The following LMO2 variants were observed in gnomAD, a reference collection of about 807,000 sequenced individuals.
The protein encoded by LMO2 is LIM domain only 2.
A neutral mutation model predicts 23.2 loss-of-function variants in LMO2; 20 were observed. The observed-to-expected ratio is 0.86, with a 90% confidence interval of 0.61 to 1.25. The LOEUF is 1.25. Among genes scored for constraint, LMO2 ranks in the 50% most tolerant of loss-of-function variants. LMO2 has a pLI of 0.00. For missense variants in LMO2, 270 were observed against 315.3 expected (o/e 0.86, Z 1.09); for synonymous variants, 123 against 130.2 (o/e 0.94, Z 0.38).
In LMO2 at chr11:33,864,081, G is replaced by A. The variant is rs369942248; in HGVS notation, c.464+521C>T. ...CAGGGCCTTTGCCTTTCTGCTCTTC[G>A]AAGACTGCCTTCCTGCTATGAGTCA... On this transcript the variant is annotated intron_variant, in intron 5 of 5. Transcript: ENST00000257818. This position sits in a 1 kb window ranked among gnomAD's most constrained non-coding sequence, Gnocchi z 4.8. Among the ~76,000 whole-genome samples the A allele has an allele frequency of 6.8e-4, 103 of 152,290 alleles. No individual in the cohort carries two copies. The highest frequency in any genetic ancestry group is 2.2e-3 in the African/African-American group (90 of 41,542).
chr11:33,887,540 A>ATTT (rs3072488), intron 1 of LMO2, among the ~76,000 whole-genome samples: 7 of 132,964 alleles, frequency 5.3e-5, no homozygotes, highest in African/African-American at 1.1e-4. Flanking sequence ...AGGAATGTGG[A>ATTT]TTTTTTTTTT....
intron 2 of LMO2, chr11:33,870,372 TC>T (rs1856980166): frequency 1.0e-6 from 1 of 985,430 alleles, no homozygotes; most frequent in African/African-American, 1.7e-5. Flanking sequence ...CAGTGGATTT[TC>T]CGCCCGTCCC....
chr11:33,877,067 G>A (rs559804030), intron 2 of LMO2, among the ~76,000 whole-genome samples: 1 of 152,208 alleles, frequency 6.6e-6, no homozygotes. Flanking sequence ...GTGGAGTTCT[G>A]CCCTACAAGG....
intron 1 of LMO2, among the ~76,000 whole-genome samples, chr11:33,885,522 G>A (rs774948091): frequency 3.7e-4 from 56 of 152,340 alleles, no homozygotes; most frequent in Non-Finnish European, 2.1e-4. Context: ...CCACTGGGAT[G>A]TGGCTTTATC....
chr11:33,877,344 G>A (rs746031360), intron 2 of LMO2, among the ~76,000 whole-genome samples: 2 of 152,148 alleles, frequency 1.3e-5, no homozygotes, highest in Non-Finnish European at 2.9e-5. Flanking sequence ...AGGACAGGTC[G>A]CTGCTGGGGC....
chr11:33,869,044 G>C (rs1856894519), intron 4 of LMO2, among the ~76,000 whole-genome samples: 1 of 152,206 alleles, frequency 6.6e-6, no homozygotes, highest in Non-Finnish European at 1.5e-5. Context: ...GGCTCTCCTC[G>C]TGCCTGCTCC....
At chr11:33,868,688 A>G (rs1211803797) in intron 4 of LMO2, among the ~76,000 whole-genome samples, 3 of 152,148 alleles carry the variant, frequency 2.0e-5, no homozygotes, top group African/African-American at 7.2e-5. Context: ...CCTATACACA[A>G]AATGGTGCAT....
chr11:33,882,428 C>T (rs1857307424), intron 1 of LMO2, among the ~76,000 whole-genome samples: 2 of 152,200 alleles, frequency 1.3e-5, no homozygotes, highest in African/African-American at 2.4e-5. Flanking sequence ...TAGGCCAAAG[C>T]CCTTTCAAAT....
intron 4 of LMO2, among the ~76,000 whole-genome samples, chr11:33,867,717 T>C (rs1365419322): frequency 6.6e-6 from 1 of 152,176 alleles, no homozygotes; most frequent in African/African-American, 2.4e-5. Flanking sequence ...GCAGTAGATA[T>C]CTGTTGTATT....
At chr11:33,891,533 G>C (rs573568981) in intron 1 of LMO2, among the ~76,000 whole-genome samples, 3 of 152,182 alleles carry the variant, frequency 2.0e-5, no homozygotes, top group African/African-American at 7.2e-5. Flanking sequence ...GAAGACATTA[G>C]CAACCAGCGG....
At chr11:33,872,288 C>T (rs1857043287) in intron 2 of LMO2, among the ~76,000 whole-genome samples, 1 of 152,164 alleles carries the variant, frequency 6.6e-6, no homozygotes, top group Admixed American at 6.5e-5. Flanking sequence ...GAGACTCCGT[C>T]TCAAAATAAA....
At chr11:33,871,595 GT>G (rs34492647) in intron 2 of LMO2, among the ~76,000 whole-genome samples, 46,370 of 131,580 alleles carry the variant, frequency 0.35, 8,550 homozygotes, top group East Asian at 0.59. Context: ...AAAAAGTTGG[GT>G]TTTTTTTTTT....
At position 33,891,388 on chromosome 11, in the gene LMO2, C is replaced by CACACAT. The variant is rs1438548550; in HGVS notation, c.-336+406_-336+407insATGTGT. Among the ~76,000 whole-genome samples the CACACAT allele has an allele frequency of 8.1e-5, 4 of 49,646 alleles. No individual in the cohort carries two copies. In the East Asian group the frequency reaches 4.4e-3, roughly 55 times the overall value. 32.6% of individuals were successfully genotyped at this position (49,646 alleles called of 152,430 possible). On this transcript the variant is annotated intron_variant, in intron 1 of 5. Transcript: ENST00000257818. ...ACACACACACACACACACACACACA[C>CACACAT]ATGCACACACACTCACACAGTTGCT...
chr11:33,872,706 C>G lies in LMO2; in HGVS notation c.-271-2719G>C, dbSNP rs61880513. ...AACATGTAAGTGTTTTCCATTTTAA[C>G]GTTCATTATCGTGGTGACTAAATGA... On this transcript the variant is annotated intron_variant, in intron 2 of 5. Transcript: ENST00000257818. Among the ~76,000 whole-genome samples, 1,220 of 152,212 alleles carry G rather than the reference C, an allele frequency of 8.0e-3. 8 individuals carry two copies. Among genetic ancestry groups the G allele is most frequent in the Middle Eastern group, 0.02 (6 of 294 alleles).
In LMO2 at chr11:33,864,628, C is replaced by A; in HGVS notation, c.438G>T (p.Arg146=). 6.2e-7 allele frequency: 1 copy of A among 1,613,862 alleles called. No individual in the cohort carries two copies. Among genetic ancestry groups the A allele is most frequent in the South Asian group, 1.1e-5 (1 of 91,074 alleles). ...VGRRLYYKLG[R]KLCRRDYLRL... ...TGAGATAGTCTCTCCGGCAGAGCTT[C>A]CGGCCCAGTTTGTAGTAGAGGCGCC... is the stretch of plus-strand genomic sequence containing the variant. The change falls in exon 5 of 6, where the codon CGG becomes CGT. Residue 146 remains arginine (R), a synonymous_variant. Coordinates refer to ENST00000257818, the MANE Select transcript of LMO2 (RefSeq NM_005574.4). The surrounding 1 kb of genome is among the most constrained non-coding windows in gnomAD (Gnocchi z 4.8).
intron 1 of LMO2, among the ~76,000 whole-genome samples, chr11:33,882,740 G>A (rs4756076): frequency 0.82 from 124,288 of 152,182 alleles, 51,547 homozygotes; most frequent in East Asian, 1. Flanking sequence ...ATCCTGATAA[G>A]AAACCTCCTG....
intron 5 of LMO2, among the ~76,000 whole-genome samples, chr11:33,861,383 G>C (rs1046404574): frequency 1.3e-5 from 2 of 152,210 alleles, no homozygotes; most frequent in African/African-American, 4.8e-5. Flanking sequence ...CAATATTTGG[G>C]CGAGATTAAT....
chr11:33,860,639 C>A (rs1856537051), intron 5 of LMO2, among the ~76,000 whole-genome samples: 1 of 152,006 alleles, frequency 6.6e-6, no homozygotes, highest in African/African-American at 2.4e-5. Context: ...TGGTGCATGC[C>A]TCTAGTCTCA....
At chr11:33,883,816 A>G (rs1857341412) in intron 1 of LMO2, among the ~76,000 whole-genome samples, 1 of 152,216 alleles carries the variant, frequency 6.6e-6, no homozygotes, top group Admixed American at 6.5e-5. Context: ...AACTTGCTCC[A>G]GCTCACAGGG....
Sources: gnomAD v4.1 joint callset for allele counts (sites outside exome capture counted in the v4.1 genomes callset) on GRCh38, gnomAD v4.1.1 for gene constraint, Gnocchi (gnomAD v3.1) non-coding constraint, MANE v1.5 for transcripts, NCBI Gene and HGNC (gene_info 2026-07-23, HGNC 2026-07-21) for gene names.